SLC22A12: variants seen among roughly 807,000 people sequenced by gnomAD.
SLC22A12 encodes solute carrier family 22 member 12.
SLC22A12 carries 56 observed loss-of-function variants against 52.7 expected under a neutral mutation model. That is an observed-to-expected ratio of 1.06 (90% CI 0.86 to 1.33). SLC22A12 has a LOEUF of 1.33. SLC22A12 is among the 40% of genes most tolerant of loss of function. The pLI, the probability that SLC22A12 is intolerant of heterozygous loss-of-function variation, is 0.00. For missense variants in SLC22A12, 683 were observed against 741.5 expected, an observed-to-expected ratio of 0.92 and a Z score of 0.92; for synonymous variants, 337 against 324.6, an observed-to-expected ratio of 1.04 and a Z score of -0.41.
rs121907893 is a variant in SLC22A12, at chr11:64,593,548, C to T, written c.650C>T (p.Thr217Met). The change falls in exon 3 of 10, where the codon ACG becomes ATG. Residue 217 changes from threonine to methionine, a missense_variant. Transcript: ENST00000377574. ...GCCGTGGCAGGCGTCATGATGAACACGGGCACTCTCCGTAGGTCTCTGACC... is the reference window on the plus strand; with the variant it reads ...GCCGTGGCAGGCGTCATGATGAACATGGGCACTCTCCGTAGGTCTCTGACC... The part of the protein sequence containing the change: ...AFAVAGVMMN[T>M]GTLLMEWTAA... 2.0e-5 allele frequency: 32 copies of T among 1,614,066 alleles called. No homozygotes were observed. The East Asian group carries it at 2.7e-4, about 13-fold the overall frequency.
At chr11:64,596,754 A>G (rs1325260326) in intron 4 of SLC22A12, among the ~76,000 whole-genome samples, 3 of 152,160 alleles carry the variant, frequency 2.0e-5, no homozygotes, top group Non-Finnish European at 4.4e-5. Context: ...GCCTTCTGGG[A>G]TGGCAGCTTG....
Position 64,598,837 on chromosome 11 carries a change from G to A in SLC22A12, c.984G>A (p.Leu328=), listed in dbSNP as rs1049181808. 8.1e-6 allele frequency: 13 copies of A among 1,612,664 alleles called. No individual in the cohort carries two copies. Among genetic ancestry groups the A allele is most frequent in the Non-Finnish European group, 1.1e-5 (13 of 1,179,962 alleles). Residue 328 remains leucine (L), a synonymous_variant, in exon 6 of 10, where the codon CTG becomes CTA. Coordinates refer to ENST00000377574, the MANE Select transcript of SLC22A12 (RefSeq NM_144585.4). ...TGCTTTCAGCCATGCGGGAGGAGCT[G>A]AGCATGGGCCAGCCTCCTGCCAGCC... ...EVLLSAMREE[L]SMGQPPASLG...
chr11:64,593,880 T>C, intron 4 of SLC22A12, 77 bp downstream of exon 4: 1 of 1,550,032 alleles, frequency 6.5e-7, no homozygotes, highest in Non-Finnish European at 8.7e-7. Context: ...AGACTCTCCT[T>C]TCCCTGGGGG....
Position 64,598,551 on chromosome 11 carries a change from C to G in SLC22A12, c.866C>G (p.Thr289Arg). 1 of 1,601,338 alleles carries G rather than the reference C, an allele frequency of 6.2e-7. No homozygotes were observed. Among genetic ancestry groups the G allele is most frequent in the Non-Finnish European group, 8.5e-7 (1 of 1,175,226 alleles). ...LAESARWLLTTGRLDWGLQEL... is the reference protein window; with the variant it reads ...LAESARWLLTRGRLDWGLQEL... ...GAGTCGGCACGATGGCTCCTCACCA[C>G]AGGCAGGCTGGATTGGGGCCTGCAG... The change falls in exon 5 of 10, where the codon ACA becomes AGA. Residue 289 changes from threonine to arginine, a missense_variant. Thr to Arg is a moderately conservative substitution (Grantham distance 71, BLOSUM62 -1). Coordinates refer to ENST00000377574, the MANE Select transcript of SLC22A12 (RefSeq NM_144585.4).
chr11:64,596,063 T>G (rs561483122), intron 4 of SLC22A12, among the ~76,000 whole-genome samples: 68 of 149,638 alleles, frequency 4.5e-4, no homozygotes, highest in Non-Finnish European at 8.1e-4. Context: ...GATAGATGGA[T>G]GGATGGATGG....
rs1007636234 is a variant in SLC22A12, at chr11:64,602,067, C to T, written c.*516C>T. On this transcript the variant is annotated 3_prime_UTR_variant, in exon 10 of 10. Transcript: ENST00000377574. ...TCCCTCCAGGCCTCAGCCACCTGCC[C>T]GCCACATCCTCTGCCTGCTGTCCCC... 12 of 207,620 alleles carry T rather than the reference C, an allele frequency of 5.8e-5. No individual in the cohort carries two copies. Among genetic ancestry groups the T allele is most frequent in the East Asian group, 1.2e-4 (1 of 8,154 alleles). The allele number at this position is 207,620 out of a possible 1,614,324, so 12.9% of individuals were successfully genotyped here.
At position 64,601,447 on chromosome 11, in the gene SLC22A12, C is replaced by A. The variant is rs1441936775; in HGVS notation, c.1599-41C>A. The A allele has an allele frequency of 1.9e-6, 3 of 1,604,780 alleles. No individual in the cohort carries two copies. In the Admixed American group the frequency reaches 5.1e-5, roughly 27 times the overall value. ...GACACAGGTCAAGGGTCAGGGGCCA[C>A]TCCGCACCCCAAGACACACCCCCGT... is the stretch of plus-strand genomic sequence containing the variant. On this transcript the variant is annotated intron_variant, in intron 9 of 9. Coordinates refer to ENST00000377574, the MANE Select transcript of SLC22A12 (RefSeq NM_144585.4).
intron 1 of SLC22A12, 40 bp from the exon 2 acceptor site, chr11:64,592,739 C>T: frequency 5.8e-6 from 9 of 1,561,126 alleles, no homozygotes; most frequent in East Asian, 2.2e-5. Flanking sequence ...TGCTGGGGCT[C>T]TCCCAACCTC....
chr11:64,601,327 C>A (rs1390326109), intron 9 of SLC22A12, among the ~76,000 whole-genome samples, 161 bp from the exon 10 acceptor site: 1 of 152,108 alleles, frequency 6.6e-6, no homozygotes, highest in Non-Finnish European at 1.5e-5. Context: ...GCAGGGCAGT[C>A]ACTTCACACA....
intron 1 of SLC22A12, 78 bp from the exon 2 acceptor site, chr11:64,592,701 G>A: frequency 8.4e-7 from 1 of 1,197,182 alleles, no homozygotes; most frequent in African/African-American, 1.5e-5. Context: ...CTCCCTGGGG[G>A]CCCTCCCATG....
chr11:64,592,998 C>A (rs1031819200), intron 2 of SLC22A12, 116 bp downstream of exon 2: 4 of 953,318 alleles, frequency 4.2e-6, no homozygotes, highest in Non-Finnish European at 6.5e-6. Context: ...AAGCGCCCTA[C>A]TTGCTGGGTG....
Position 64,593,475 on chromosome 11 carries a change from GC to G in SLC22A12, c.581del (p.Pro194LeufsTer21), listed in dbSNP as rs1565134152. On this transcript the variant is annotated frameshift_variant, in exon 3 of 10. Coordinates refer to ENST00000377574, the MANE Select transcript of SLC22A12 (RefSeq NM_144585.4). LOFTEE classifies it high-confidence loss of function. The stretch of plus-strand genomic sequence containing the variant: ...TGTGATGGGTACGGCAGCTGCCTTC[GC>G]CCCTGCCTTCCCCGTGTACTGCCTG... ...MAVMGTAAAFAPAFPVYCLFR... is the reference protein window; with the variant it reads ...MAVMGTAAAFXPAFPVYCLFR... 2 of 1,614,092 alleles carry G rather than the reference GC, an allele frequency of 1.2e-6. No homozygotes were observed. The highest frequency in any genetic ancestry group is 2.2e-5 in the East Asian group (1 of 44,886).
intron 6 of SLC22A12, 33 bp downstream of exon 6, chr11:64,598,956 G>A: frequency 1.2e-6 from 2 of 1,609,284 alleles, no homozygotes; most frequent in Non-Finnish European, 1.7e-6. Flanking sequence ...CACCTCCACA[G>A]GGGAACCTGG....
intron 5 of SLC22A12, 54 bp from the exon 6 acceptor site, chr11:64,598,754 G>A: frequency 6.2e-7 from 1 of 1,609,998 alleles, no homozygotes. Context: ...GTCTCAGAGA[G>A]GAGGAGGTGC....
Position 64,591,876 on chromosome 11 carries a change from G to T in SLC22A12, c.320G>T (p.Ser107Ile). The change falls in exon 1 of 10, where the codon AGC (serine) becomes ATC (isoleucine). Residue 107 changes from serine (S) to isoleucine (I), a missense_variant. By Grantham distance (142) the Ser-to-Ile change is moderately radical. Coordinates refer to ENST00000377574, the MANE Select transcript of SLC22A12 (RefSeq NM_144585.4). The part of the protein sequence containing the change: ...QLLDPNATAT[S>I]WSEADTEPCV... ...TTGGACCCCAATGCCACGGCCACCA[G>T]CTGGAGCGAGGCCGACACGGAGCCG... 1 of 1,612,574 alleles carries T rather than the reference G, an allele frequency of 6.2e-7. No homozygotes were observed. The highest frequency in any genetic ancestry group is 8.5e-7 in the Non-Finnish European group (1 of 1,180,028).
chr11:64,593,317 G>A, intron 2 of SLC22A12, 88 bp from the exon 3 acceptor site: 1 of 1,598,470 alleles, frequency 6.3e-7, no homozygotes, highest in Non-Finnish European at 8.5e-7. Flanking sequence ...CAGCGGGCAA[G>A]CATAGGGTGG....
intron 5 of SLC22A12, 26 bp downstream of exon 5, chr11:64,598,665 G>A (rs768119163): frequency 1.7e-5 from 27 of 1,605,450 alleles, no homozygotes; most frequent in Admixed American, 5.1e-5. Flanking sequence ...CCTCAAACCC[G>A]GACCCTCAGA....
At chr11:64,596,147 GGATGGATT>G (rs2039208443) in intron 4 of SLC22A12, among the ~76,000 whole-genome samples, 1 of 152,096 alleles carries the variant, frequency 6.6e-6, no homozygotes. Flanking sequence ...TGGGATGGAT[GGATGGATT>G]GATGGATAGT....
intron 4 of SLC22A12, 133 bp from the exon 5 acceptor site, chr11:64,598,383 C>T (rs1414969007): frequency 9.2e-6 from 12 of 1,297,838 alleles, no homozygotes; most frequent in African/African-American, 7.3e-5. Context: ...GCTGCCACAA[C>T]GCCCTTCGGG....
Sources: gnomAD v4.1 joint callset for allele counts (sites outside exome capture counted in the v4.1 genomes callset) on GRCh38, gnomAD v4.1.1 for gene constraint, MANE v1.5 for transcripts, NCBI Gene and HGNC (gene_info 2026-07-23, HGNC 2026-07-21) for gene names.